The following LARP1 variants were observed in gnomAD, a reference collection of about 807,000 sequenced individuals.
LARP1 encodes la-related protein 1.
A neutral mutation model predicts 122.7 loss-of-function variants in LARP1; 36 were observed. The ratio of observed to expected loss-of-function variants is 0.29; its 90% confidence interval spans 0.22 to 0.39. The LOEUF is 0.39. Ranked by LOEUF, LARP1 falls within the 10% of genes least tolerant of loss-of-function variation. The pLI, the probability that LARP1 is intolerant of heterozygous loss-of-function variation, is 1.00. For synonymous variants in LARP1, 539 were observed against 528.7 expected (o/e 1.02, Z -0.27); for missense variants, 1,040 against 1,403.6 (o/e 0.74, Z 4.14).
chr5:154,750,225 A>G (rs541369379), intron 1 of LARP1, among the ~76,000 whole-genome samples: 5 of 152,156 alleles, frequency 3.3e-5, no homozygotes, highest in South Asian at 2.1e-4. Context: ...GTCTCACTCT[A>G]TTCCCCAGGC....
intron 1 of LARP1, among the ~76,000 whole-genome samples, chr5:154,706,018 G>A (rs1754929322): frequency 1.3e-5 from 2 of 152,068 alleles, no homozygotes; most frequent in Admixed American, 1.3e-4. Flanking sequence ...ACATATGGCC[G>A]GGCGCGGTGG....
At position 154,802,526 on chromosome 5, in the gene LARP1, A is replaced by G; in HGVS notation, c.2109+127A>G. 8.8e-7 allele frequency: 1 copy of G among 1,141,738 alleles called. No homozygotes were observed. Among genetic ancestry groups the G allele is most frequent in the Non-Finnish European group, 1.2e-6 (1 of 835,222 alleles). The allele number at this position is 1,141,738 out of a possible 1,614,324, so 70.7% of individuals were successfully genotyped here. ...ATTCAGAGTCTCAGGATTTTTATAT[A>G]TGGGAAGGGGATGATGACTGACATC... On this transcript the variant is annotated intron_variant, in intron 11 of 18. Coordinates refer to ENST00000518297, the MANE Select transcript of LARP1 (RefSeq NM_033551.3). This position sits in a 1 kb window ranked among gnomAD's most constrained non-coding sequence, Gnocchi z 5.1.
chr5:154,721,134 G>T (rs1174446521), intron 1 of LARP1, among the ~76,000 whole-genome samples: 1 of 151,998 alleles, frequency 6.6e-6, no homozygotes, highest in Non-Finnish European at 1.5e-5. Flanking sequence ...CTAGATCCCA[G>T]GGGTTGGAGA....
At chr5:154,684,716 C>T (rs991622881) in intron 1 of LARP1, among the ~76,000 whole-genome samples, 1 of 152,162 alleles carries the variant, frequency 6.6e-6, no homozygotes, top group Non-Finnish European at 1.5e-5. Context: ...GCCAGCTGCT[C>T]ATCCTCTCTG....
intron 1 of LARP1, among the ~76,000 whole-genome samples, chr5:154,686,419 A>T (rs1753944744): frequency 6.6e-6 from 1 of 152,234 alleles, no homozygotes; most frequent in South Asian, 2.1e-4. Context: ...GCAGAGGGAA[A>T]AAAGTTCAAT....
chr5:154,699,718 C>T lies in LARP1; in HGVS notation c.-180+16681C>T, dbSNP rs532217423. Among the ~76,000 whole-genome samples the T allele has an allele frequency of 2.6e-5, 4 of 152,244 alleles. No individual in the cohort carries two copies. In the East Asian group the frequency reaches 5.8e-4, roughly 22 times the overall value. ...CTGTGTCCACAGGAACTCCTTAGGG[C>T]TCCATGGAACACCTGGAGGGGACTG... On this transcript the variant is annotated intron_variant, in intron 1 of 18. Transcript: ENST00000687700.
At chr5:154,717,579 T>A (rs190723441) in intron 1 of LARP1, among the ~76,000 whole-genome samples, 1 of 152,344 alleles carries the variant, frequency 6.6e-6, no homozygotes, top group East Asian at 1.9e-4. Flanking sequence ...CAGAAGTGAC[T>A]GGTGTTATTC....
chr5:154,775,338 C>G (rs1293755612), intron 1 of LARP1, among the ~76,000 whole-genome samples: 1 of 151,954 alleles, frequency 6.6e-6, no homozygotes, highest in Non-Finnish European at 1.5e-5. Context: ...ACTTCAAATA[C>G]AAAAATTAGT....
chr5:154,740,909 C>T (rs1427145379), intron 1 of LARP1, among the ~76,000 whole-genome samples: 3 of 152,156 alleles, frequency 2.0e-5, no homozygotes, highest in Non-Finnish European at 4.4e-5. Flanking sequence ...CCTTTCAGGT[C>T]AGGACAGTGA....
At chr5:154,703,121 A>G (rs1754795410) in intron 1 of LARP1, among the ~76,000 whole-genome samples, 1 of 46,228 alleles carries the variant, frequency 2.2e-5, no homozygotes, top group African/African-American at 1.5e-4. Context: ...ACGCTGTCTC[A>G]AAAAAAAAAA....
rs576796691 is a variant in LARP1 at position 154,744,320 on chromosome 5, A to G, written c.205+31190A>G. Among the ~76,000 whole-genome samples the G allele has an allele frequency of 2.3e-3, 347 of 151,936 alleles. 1 individual carries two copies. Among genetic ancestry groups the G allele is most frequent in the Admixed American group, 4.8e-3 (73 of 15,228 alleles). ...CATTCCTCCCACTCTCACCTATGAC[A>G]CTCTCTGCCTCTCCTTTAGTCTCCT... On this transcript the variant is annotated intron_variant, in intron 1 of 18. Coordinates refer to the LARP1 transcript ENST00000336314.
At chr5:154,724,762 G>A (rs1015322995) in intron 1 of LARP1, among the ~76,000 whole-genome samples, 21 of 151,742 alleles carry the variant, frequency 1.4e-4, no homozygotes, top group Non-Finnish European at 2.9e-5. Flanking sequence ...AGCTTCCCAG[G>A]CTCAGGTGAT....
At chr5:154,771,649 C>T (rs1214334315) in intron 1 of LARP1, among the ~76,000 whole-genome samples, 1 of 152,212 alleles carries the variant, frequency 6.6e-6, no homozygotes, top group Non-Finnish European at 1.5e-5. Flanking sequence ...TGTTACGGCC[C>T]AGCCTAGACG....
In LARP1 at chr5:154,811,356, G is replaced by T; in HGVS notation, c.2953G>T (p.Gly985Cys). 1 of 1,613,840 alleles carries T rather than the reference G, an allele frequency of 6.2e-7. No individual in the cohort carries two copies. Among genetic ancestry groups the T allele is most frequent in the East Asian group, 2.2e-5 (1 of 44,890 alleles). ...GGAAACGGTGAAGGACTATGAAGCT[G>T]GTAAGAGCCAGAGTTGGATCTGAGT... is the stretch of plus-strand genomic sequence containing the variant. Reference protein sequence around the residue: ...QEETVKDYEAGQLYGLEKFWA... With the variant: ...QEETVKDYEACQLYGLEKFWA... Residue 985 changes from glycine to cysteine, a missense_variant and splice_region_variant, in exon 17 of 19, where the codon GGC becomes TGC. Gly to Cys is a radical substitution (Grantham distance 159, BLOSUM62 -3). Around this residue, in one of 8 missense-constraint regions of LARP1, gnomAD observed 129 missense variants for 160.8 expected, o/e 0.80. Coordinates refer to ENST00000518297, the MANE Select transcript of LARP1 (RefSeq NM_033551.3).
At chr5:154,780,487 T>G (rs1332146912) in intron 1 of LARP1, among the ~76,000 whole-genome samples, 1 of 152,184 alleles carries the variant, frequency 6.6e-6, no homozygotes, top group East Asian at 1.9e-4. Context: ...TGTATTTTGT[T>G]GAGGAGCAGA....
At chr5:154,796,497 T>C (rs1757865118) in intron 8 of LARP1, among the ~76,000 whole-genome samples, 1 of 152,252 alleles carries the variant, frequency 6.6e-6, no homozygotes, top group East Asian at 1.9e-4. Context: ...CATTTTAACA[T>C]GTTCATCTGT....
At chr5:154,751,481 C>A (rs1368229895), upstream of LARP1, among the ~76,000 whole-genome samples, 4 of 152,098 alleles carry the variant, frequency 2.6e-5, no homozygotes, top group African/African-American at 7.2e-5. Context: ...TAGAACCTAG[C>A]GTACACTAGT....
intron 1 of LARP1, among the ~76,000 whole-genome samples, chr5:154,731,307 C>T (rs1372932301): frequency 1.3e-5 from 2 of 152,080 alleles, no homozygotes; most frequent in Admixed American, 1.3e-4. Flanking sequence ...CTGTCTCTCC[C>T]AATAATTATG....
Position 154,799,583 on chromosome 5 carries a change from C to G in LARP1, c.1378-8C>G. 9 of 1,613,108 alleles carry G rather than the reference C, an allele frequency of 5.6e-6. No individual in the cohort carries two copies. Among genetic ancestry groups the G allele is most frequent in the Non-Finnish European group, 7.6e-6 (9 of 1,179,194 alleles). On this transcript the variant is annotated splice_region_variant and splice_polypyrimidine_tract_variant and intron_variant, in intron 8 of 18. Coordinates refer to ENST00000518297, the MANE Select transcript of LARP1 (RefSeq NM_033551.3). ...TCTTAATCCCCTCTTCCTTCTCCTCCCCTTCAGGCCCTAAAGGACAGCAAG... is the reference window on the plus strand; with the variant it reads ...TCTTAATCCCCTCTTCCTTCTCCTCGCCTTCAGGCCCTAAAGGACAGCAAG...
Sources: allele counts gnomAD v4.1 joint callset (sites outside exome capture counted in the v4.1 genomes callset), GRCh38; gene constraint gnomAD v4.1.1; regional missense constraint gnomAD v4.1.1; non-coding constraint Gnocchi (gnomAD v3.1); transcripts MANE v1.5; gene names NCBI Gene and HGNC (gene_info 2026-07-23, HGNC 2026-07-21).